Variants in COL19A1 observed in about 807,000 individuals in gnomAD.
COL19A1 encodes the protein collagen alpha-1(XIX) chain.
Under a neutral mutation model 190.2 loss-of-function variants are expected in COL19A1, and 159 were observed. That is an observed-to-expected ratio of 0.84 (90% confidence interval 0.73 to 0.95). COL19A1 has a LOEUF of 0.95. Among genes scored for constraint, COL19A1 ranks in the 40% least tolerant of loss-of-function variants. The pLI, the probability that COL19A1 is intolerant of heterozygous loss-of-function variation, is 0.00. For synonymous variants in COL19A1, 509 were observed against 458.9 expected, an observed-to-expected ratio of 1.11 and a Z score of -1.39; for missense variants, 1,418 against 1,431.9, an observed-to-expected ratio of 0.99 and a Z score of 0.16.
intron 2 of COL19A1, among the ~76,000 whole-genome samples, chr6:69,888,579 G>C (rs1323876739): frequency 1.3e-5 from 2 of 151,764 alleles, no homozygotes; most frequent in African/African-American, 4.8e-5. Context: ...TTGCCTGAGG[G>C]TCAGGAGTTG....
intron 40 of COL19A1, among the ~76,000 whole-genome samples, chr6:70,169,075 A>AC (rs1235982746): frequency 6.6e-6 from 1 of 151,156 alleles, no homozygotes; most frequent in African/African-American, 2.4e-5. Context: ...CTCCCCAACA[A>AC]AAAAAAAGGA....
At chr6:69,921,461 C>A (rs1233218704) in intron 4 of COL19A1, among the ~76,000 whole-genome samples, 1 of 127,714 alleles carries the variant, frequency 7.8e-6, no homozygotes, top group South Asian at 2.4e-4. Flanking sequence ...TCATATATAT[C>A]ATATATATTC....
rs745676426 is a variant in COL19A1, at chr6:70,146,827, C to A, written c.1831C>A (p.Pro611Thr). The A allele has an allele frequency of 3.8e-6, 6 of 1,597,780 alleles. No individual in the cohort carries two copies. Among genetic ancestry groups the A allele is most frequent in the Non-Finnish European group, 5.1e-6 (6 of 1,173,434 alleles). Residue 611 changes from proline (P) to threonine (T), a missense_variant, in exon 27 of 51, where the codon CCA (proline) becomes ACA (threonine). Coordinates refer to ENST00000620364, the MANE Select transcript of COL19A1 (RefSeq NM_001858.6). ...PRGPKGERGL[P>T]GVHGSPGDIG... is the part of the protein sequence containing the mutation. ...CATTTCACAGGGTGAAAGAGGACTTCCAGGTGTTCACGGTTCCCCAGGGGA... is the reference window on the plus strand; with the variant it reads ...CATTTCACAGGGTGAAAGAGGACTTACAGGTGTTCACGGTTCCCCAGGGGA...
intron 9 of COL19A1, among the ~76,000 whole-genome samples, chr6:69,948,341 G>A (rs957408478): frequency 2.0e-5 from 3 of 151,820 alleles, no homozygotes; most frequent in African/African-American, 7.2e-5. Context: ...CCCTTTGAAT[G>A]CTTTAAAACA....
chr6:70,141,038 G>A (rs200462809), intron 20 of COL19A1, 49 bp downstream of exon 20: 7 of 1,513,484 alleles, frequency 4.6e-6, no homozygotes, highest in Admixed American at 1.8e-5. Context: ...TCATTGATTT[G>A]TTTCTCTCTG....
intron 2 of COL19A1, among the ~76,000 whole-genome samples, chr6:69,880,356 T>C (rs1445572602): frequency 2.0e-5 from 3 of 152,320 alleles, no homozygotes; most frequent in Admixed American, 2.0e-4. Flanking sequence ...TATTACAAGG[T>C]TGAATTAGGC....
At chr6:70,143,025 G>A (rs955499580) in intron 23 of COL19A1, among the ~76,000 whole-genome samples, 3 of 152,104 alleles carry the variant, frequency 2.0e-5, no homozygotes, top group African/African-American at 4.8e-5. Context: ...GTCCTTTTGA[G>A]TATCATTAGC....
chr6:70,032,543 T>C (rs1016463373), intron 12 of COL19A1, among the ~76,000 whole-genome samples: 16 of 152,120 alleles, frequency 1.1e-4, no homozygotes, highest in African/African-American at 3.6e-4. Flanking sequence ...CAGGAGAAAA[T>C]ACTTTTAATA....
chr6:70,141,827 G>T (rs1786270125), intron 20 of COL19A1, 66 bp from the exon 21 acceptor site: 1 of 1,019,608 alleles, frequency 9.8e-7, no homozygotes, highest in Non-Finnish European at 1.5e-6. Flanking sequence ...TTCAATTAAA[G>T]TATCAGAGAT....
At chr6:70,173,700 G>GA (rs1197507398) in intron 41 of COL19A1, among the ~76,000 whole-genome samples, 12 of 151,864 alleles carry the variant, frequency 7.9e-5, no homozygotes, top group South Asian at 4.2e-4. Flanking sequence ...AGAGAACGAG[G>GA]AAAAAAAATA....
intron 12 of COL19A1, among the ~76,000 whole-genome samples, chr6:70,031,044 C>T (rs1337470117): frequency 6.6e-6 from 1 of 152,168 alleles, no homozygotes; most frequent in Non-Finnish European, 1.5e-5. Flanking sequence ...ACTTAAGTGG[C>T]TTCCCATTGC....
At chr6:69,932,901 G>A (rs1253101864) in intron 7 of COL19A1, 38 bp downstream of exon 7, 13 of 1,360,254 alleles carry the variant, frequency 9.6e-6, no homozygotes, top group African/African-American at 1.4e-5. Flanking sequence ...AATGAAGAAC[G>A]CCAATTATCT....
chr6:70,135,234 A>G (rs1344073619), intron 18 of COL19A1, among the ~76,000 whole-genome samples: 2 of 152,158 alleles, frequency 1.3e-5, no homozygotes, highest in African/African-American at 4.8e-5. Context: ...AGCTCTACAG[A>G]AGCTCTCTGA....
intron 48 of COL19A1, 114 bp downstream of exon 48, chr6:70,190,495 A>T: frequency 2.9e-6 from 2 of 687,488 alleles, no homozygotes; most frequent in South Asian, 3.6e-5. Flanking sequence ...AAAAACCTTA[A>T]GGGGCAGCCC....
rs1432851876 is a variant in COL19A1, at chr6:70,210,968, T to C, written c.*3694T>C. ...CATGCAGATTAACTAGTCATAACTG[T>C]TTATACACCACTCTCATATTTTAGT... On this transcript the variant is annotated 3_prime_UTR_variant, in exon 51 of 51. Transcript: ENST00000620364. Among the ~76,000 whole-genome samples, 1 of 152,126 alleles carries C rather than the reference T, an allele frequency of 6.6e-6. No homozygotes were observed. Among genetic ancestry groups the C allele is most frequent in the African/African-American group, 2.4e-5 (1 of 41,448 alleles).
intron 48 of COL19A1, 77 bp downstream of exon 48, chr6:70,190,458 A>G: frequency 1.0e-6 from 1 of 958,384 alleles, no homozygotes; most frequent in East Asian, 2.5e-5. Flanking sequence ...TCCCTCCAGC[A>G]ACATTCTCGA....
At chr6:70,068,247 G>A (rs1181782559) in intron 14 of COL19A1, among the ~76,000 whole-genome samples, 176 bp from the exon 15 acceptor site, 1 of 151,876 alleles carries the variant, frequency 6.6e-6, no homozygotes, top group East Asian at 1.9e-4. Flanking sequence ...AAAGAAGCCA[G>A]TCAAAGAAGG....
At chr6:70,065,913 TA>T (rs1781163668) in intron 14 of COL19A1, among the ~76,000 whole-genome samples, 1 of 152,130 alleles carries the variant, frequency 6.6e-6, no homozygotes, top group Admixed American at 6.6e-5. Flanking sequence ...AATGAGATAT[TA>T]TCTCACACCA....
At chr6:69,968,966 A>G (rs1775269695) in intron 11 of COL19A1, among the ~76,000 whole-genome samples, 1 of 152,146 alleles carries the variant, frequency 6.6e-6, no homozygotes, top group African/African-American at 2.4e-5. Flanking sequence ...ATGGATTCAC[A>G]TATTTTTGTG....
Sources: allele counts gnomAD v4.1 joint callset (sites outside exome capture counted in the v4.1 genomes callset), GRCh38; gene constraint gnomAD v4.1.1; transcripts MANE v1.5; gene names NCBI Gene and HGNC (gene_info 2026-07-23, HGNC 2026-07-21).